Variants in BANP observed in about 807,000 individuals in gnomAD.
The protein encoded by BANP is protein BANP.
In BANP, 11 loss-of-function variants were observed where a neutral mutation model predicts 68.1. The observed-to-expected ratio is 0.16, with a 90% CI of 0.10 to 0.27. The LOEUF is 0.27. Ranked by LOEUF, BANP falls within the 10% of genes least tolerant of loss-of-function variation. BANP has a pLI of 1.00. For synonymous variants in BANP, 329 were observed against 303.2 expected (o/e 1.09, Z -0.88); for missense variants, 504 against 722.7 (o/e 0.70, Z 3.47).
At chr16:88,065,495 G>A (rs1001392839) in intron 12 of BANP, among the ~76,000 whole-genome samples, 163 bp downstream of exon 12, 1 of 152,232 alleles carries the variant, frequency 6.6e-6, no homozygotes. Context: ...CTTTGCCCAT[G>A]TAAAGTAACA....
chr16:88,065,405 C>T (rs551623031), intron 12 of BANP, 73 bp downstream of exon 12: 36 of 682,718 alleles, frequency 5.3e-5, no homozygotes, highest in Admixed American at 4.8e-4. Flanking sequence ...AAGACCCCCG[C>T]GATGACACTG....
At position 88,067,647 on chromosome 16, in the gene BANP, G is replaced by A. The variant is rs1054637263; in HGVS notation, c.1377+2315G>A. ...GCTGCTGCCACTCCCATTCAGAGCCGCTCCCCAGTGCCCAGCCCCCCCTGC... is the reference window on the plus strand; with the variant it reads ...GCTGCTGCCACTCCCATTCAGAGCCACTCCCCAGTGCCCAGCCCCCCCTGC... On this transcript the variant is annotated intron_variant, in intron 12 of 13. Transcript: ENST00000682872. Among the ~76,000 whole-genome samples the A allele has an allele frequency of 4.6e-5, 7 of 151,928 alleles. No homozygotes were observed. The East Asian group carries it at 9.6e-4, about 21-fold the overall frequency.
At chr16:87,971,880 C>T (rs1597918348) in intron 1 of BANP, among the ~76,000 whole-genome samples, 2 of 152,070 alleles carry the variant, frequency 1.3e-5, no homozygotes, top group Admixed American at 1.3e-4. Flanking sequence ...ACAGCCTTGC[C>T]CTCCCAGACT....
chr16:87,978,759 C>T, intron 2 of BANP: 1 of 432,648 alleles, frequency 2.3e-6, no homozygotes, highest in Admixed American at 2.5e-5. Context: ...TGCTGATAAT[C>T]AAAACAGTCT....
chr16:88,007,569 C>G (rs2071610781), intron 6 of BANP, among the ~76,000 whole-genome samples: 4 of 152,338 alleles, frequency 2.6e-5, no homozygotes, highest in South Asian at 4.1e-4. Flanking sequence ...AAAGAAAGAA[C>G]CAAACAGACT....
chr16:88,021,423 G>A (rs1325998401), intron 7 of BANP, among the ~76,000 whole-genome samples: 1 of 152,156 alleles, frequency 6.6e-6, no homozygotes, highest in African/African-American at 2.4e-5. Flanking sequence ...AGGTCATGGT[G>A]TGGCTGACCT....
intron 4 of BANP, among the ~76,000 whole-genome samples, chr16:87,999,287 CT>C (rs2068383018): frequency 7.1e-6 from 1 of 141,540 alleles, no homozygotes; most frequent in Admixed American, 7.1e-5. Flanking sequence ...CATGCATGCA[CT>C]TGCACGGCTG....
At position 87,981,337 on chromosome 16, in the gene BANP, G is replaced by T. The variant is rs559737321; in HGVS notation, c.162+210G>T. Among the ~76,000 whole-genome samples the T allele has an allele frequency of 2.3e-3, 347 of 152,280 alleles. 2 individuals carry two copies. The highest frequency in any genetic ancestry group is 3.4e-3 in the Middle Eastern group (1 of 294). On this transcript the variant is annotated intron_variant, in intron 3 of 13. Transcript: ENST00000682872. ...GCCTCTTCCAGCTTCTAGTGGCTCC[G>T]GCCCTGCCTCAGCTTGTGGGGCTCC...
At chr16:88,033,045 T>G in intron 8 of BANP, 64 bp from the exon 9 acceptor site, 1 of 1,494,304 alleles carries the variant, frequency 6.7e-7, no homozygotes, top group Non-Finnish European at 9.1e-7. Context: ...GGTGCACACA[T>G]GCCACACCAG....
chr16:88,065,018 C>T (rs901269786), intron 11 of BANP, among the ~76,000 whole-genome samples: 6 of 152,256 alleles, frequency 3.9e-5, no homozygotes, highest in Non-Finnish European at 8.8e-5. Flanking sequence ...GCTGCCAGCC[C>T]GCCCTGAAGG....
At chr16:88,024,829 A>G (rs886152054) in intron 7 of BANP, among the ~76,000 whole-genome samples, 2 of 152,240 alleles carry the variant, frequency 1.3e-5, no homozygotes, top group Non-Finnish European at 2.9e-5. Flanking sequence ...AGATGAATAT[A>G]TATTTTTTAT....
chr16:87,979,613 TGTG>T (rs1377467824), intron 2 of BANP, among the ~76,000 whole-genome samples: 3 of 152,160 alleles, frequency 2.0e-5, no homozygotes, highest in Admixed American at 1.3e-4. Flanking sequence ...CCTGCTTGGC[TGTG>T]GTGTTGGTGC....
At chr16:88,076,458 C>A (rs2091637993) in intron 13 of BANP, 132 bp from the exon 14 acceptor site, 1 of 722,310 alleles carries the variant, frequency 1.4e-6, no homozygotes, top group Admixed American at 3.0e-5. Flanking sequence ...GCCTTGGGGC[C>A]GTCAGGGCTC....
Position 88,018,407 on chromosome 16 carries a change from G to A in BANP, c.656-21G>A, listed in dbSNP as rs373355508. 3.7e-6 allele frequency: 6 copies of A among 1,602,500 alleles called. No individual in the cohort carries two copies. Among genetic ancestry groups the A allele is most frequent in the Non-Finnish European group, 5.1e-6 (6 of 1,173,232 alleles). ...CTTATTTGAGCCTTGGCCATCTGAGGACCTGTCTTCTGTTTTTCAGAGGAC... is the reference window on the plus strand; with the variant it reads ...CTTATTTGAGCCTTGGCCATCTGAGAACCTGTCTTCTGTTTTTCAGAGGAC... On this transcript the variant is annotated intron_variant, in intron 6 of 13. Coordinates refer to ENST00000682872, the MANE Select transcript of BANP (RefSeq NM_001386991.1). The surrounding 1 kb of genome is among the most constrained non-coding windows in gnomAD (Gnocchi z 7.7).
chr16:87,979,332 C>T (rs1284498391), intron 2 of BANP, among the ~76,000 whole-genome samples: 2 of 152,170 alleles, frequency 1.3e-5, no homozygotes, highest in Non-Finnish European at 1.5e-5. Flanking sequence ...GTGCTTCACC[C>T]ACATCGGTGG....
rs2065839989 is a variant in BANP, at chr16:87,991,248, A to G, written c.362+6989A>G. 6.6e-5 allele frequency among the ~76,000 whole-genome samples: 10 copies of G among 151,338 alleles called. No homozygotes were observed. The South Asian group carries it at 1.0e-3, about 16-fold the overall frequency. The stretch of plus-strand genomic sequence containing the variant: ...ATTGTATGGTACAGTTTACATACCT[A>G]CAACTTCGGGAATTATTCACATAAT... On this transcript the variant is annotated intron_variant, in intron 4 of 13. Coordinates refer to ENST00000682872, the MANE Select transcript of BANP (RefSeq NM_001386991.1).
chr16:87,958,639 G>A (rs1412405175), intron 1 of BANP, among the ~76,000 whole-genome samples: 1 of 152,214 alleles, frequency 6.6e-6, no homozygotes, highest in Non-Finnish European at 1.5e-5. Flanking sequence ...AGGCTGCAGG[G>A]CTGCAGTGAG....
chr16:88,062,232 G>C (rs933342656), intron 11 of BANP, among the ~76,000 whole-genome samples: 3 of 152,184 alleles, frequency 2.0e-5, no homozygotes, highest in Non-Finnish European at 4.4e-5. Context: ...TTGCACCTGA[G>C]TGGATTCTTG....
chr16:87,960,423 A>T (rs2058926791), intron 1 of BANP, among the ~76,000 whole-genome samples: 1 of 152,222 alleles, frequency 6.6e-6, no homozygotes. Flanking sequence ...TGGTGGTAGC[A>T]GGTGGGGCAC....
Sources: gnomAD v4.1 joint callset for allele counts (sites outside exome capture counted in the v4.1 genomes callset) on GRCh38, gnomAD v4.1.1 for gene constraint, Gnocchi (gnomAD v3.1) non-coding constraint, MANE v1.5 for transcripts, NCBI Gene and HGNC (gene_info 2026-07-23, HGNC 2026-07-21) for gene names.